The following SLC9A8 variants were observed in gnomAD, a reference collection of about 807,000 sequenced individuals.
The protein encoded by SLC9A8 is sodium/hydrogen exchanger 8.
A neutral mutation model predicts 66.6 loss-of-function variants in SLC9A8; 48 were observed. That is an observed-to-expected ratio of 0.72 (90% CI 0.57 to 0.92). The LOEUF is 0.92. Among genes scored for constraint, SLC9A8 ranks in the 40% least tolerant of loss-of-function variants. The pLI is 0.00. For synonymous variants in SLC9A8, 274 were observed against 282.6 expected, an observed-to-expected ratio of 0.97 and a Z score of 0.31; for missense variants, 599 against 747.3, an observed-to-expected ratio of 0.80 and a Z score of 2.31.
At chr20:49,825,153 T>C (rs1214356064) in intron 3 of SLC9A8, among the ~76,000 whole-genome samples, 2 of 152,168 alleles carry the variant, frequency 1.3e-5, no homozygotes, top group Non-Finnish European at 2.9e-5. Flanking sequence ...GCCCTGAAAC[T>C]TCCTATCTTA....
At chr20:49,813,690 A>G (rs536163198) in intron 1 of SLC9A8, among the ~76,000 whole-genome samples, 1 of 152,340 alleles carries the variant, frequency 6.6e-6, no homozygotes, top group South Asian at 2.1e-4. Flanking sequence ...AGGAAGCAAA[A>G]TAGAGTTAAG....
rs759550119 is a variant in SLC9A8 at position 49,834,369 on chromosome 20, G to GTA, written c.290-5159_290-5158dup. 7.9e-4 allele frequency among the ~76,000 whole-genome samples: 44 copies of GTA among 55,776 alleles called. 3 individuals are homozygous for GTA. Among genetic ancestry groups the GTA allele is most frequent in the South Asian group, 4.4e-3 (8 of 1,806 alleles). 36.6% of individuals were successfully genotyped at this position (55,776 alleles called of 152,430 possible). A position where few individuals can be genotyped will look rare whatever the true frequency, so the allele number is the denominator to read the frequency against. ...TATACTGTATATATATATATACTGT[G>GTA]TATATATATATATACTGTGTATATA... On this transcript the variant is annotated intron_variant, in intron 3 of 15. Transcript: ENST00000361573.
intron 5 of SLC9A8, among the ~76,000 whole-genome samples, chr20:49,848,966 C>G (rs933243433): frequency 6.6e-6 from 1 of 152,136 alleles, no homozygotes; most frequent in African/African-American, 2.4e-5. Context: ...AGTAAGACAT[C>G]AGTACATAAA....
chr20:49,887,437 C>T lies in SLC9A8; in HGVS notation c.1639-392C>T, dbSNP rs184425879. 5.1e-4 allele frequency among the ~76,000 whole-genome samples: 77 copies of T among 152,304 alleles called. 1 individual carries two copies. The highest frequency in any genetic ancestry group is 5.0e-3 in the East Asian group (26 of 5,180). On this transcript the variant is annotated intron_variant, in intron 15 of 15. Coordinates refer to ENST00000361573, the MANE Select transcript of SLC9A8 (RefSeq NM_015266.3). ...CAGCTCCAGTGACTGTGACCACGAC[C>T]GCTTCCTTCTCCAGCATCCTGTGCA...
At chr20:49,887,755 A>ATGG (rs2089942304) in intron 15 of SLC9A8, 74 bp from the exon 16 acceptor site, 1 of 1,185,568 alleles carries the variant, frequency 8.4e-7, no homozygotes, top group African/African-American at 1.5e-5. Flanking sequence ...CACACAAAAC[A>ATGG]CCCAGTAGCA....
chr20:49,878,093 T>A, intron 12 of SLC9A8, 30 bp downstream of exon 12: 1 of 1,369,884 alleles, frequency 7.3e-7, no homozygotes, highest in Non-Finnish European at 1.0e-6. Flanking sequence ...TTTTTAAATT[T>A]AATTACTTAT....
chr20:49,849,401 C>T (rs1378946342), intron 5 of SLC9A8, among the ~76,000 whole-genome samples, 178 bp from the exon 6 acceptor site: 8 of 151,970 alleles, frequency 5.3e-5, no homozygotes, highest in Admixed American at 1.3e-4. Flanking sequence ...TGACGGGACA[C>T]TGCAGTAAGT....
rs1555848154 is a variant in SLC9A8 at position 49,884,221 on chromosome 20, C to CGCG, written c.1491+155_1491+156insGCG. ...CACGACACACACACACACACACACACACACACACACACACACACACGACAC... is the reference window on the plus strand; with the variant it reads ...CACGACACACACACACACACACACACGCGACACACACACACACACACACGACAC... On this transcript the variant is annotated intron_variant, in intron 14 of 15. Transcript: ENST00000361573. 3.4e-4 allele frequency: 99 copies of CGCG among 289,030 alleles called. 1 individual carries two copies. The highest frequency in any genetic ancestry group is 1.6e-3 in the Middle Eastern group (2 of 1,244). 17.9% of individuals were successfully genotyped at this position (289,030 alleles called of 1,614,324 possible).
At chr20:49,866,608 C>T (rs2088978535) in intron 10 of SLC9A8, among the ~76,000 whole-genome samples, 1 of 152,042 alleles carries the variant, frequency 6.6e-6, no homozygotes, top group African/African-American at 2.4e-5. Flanking sequence ...TTTTTATATT[C>T]GCCTTGGGTT....
rs757673895 is a variant in SLC9A8 at position 49,864,783 on chromosome 20, T to G, written c.897T>G (p.Phe299Leu). ...IDLRKTPSLE[F>L]GMMIIFAYLP... ...TGAGGAAAACGCCTTCCTTGGAGTT[T>G]GGCATGATGATCATTTTTGCTTATC... Residue 299 changes from phenylalanine to leucine, a missense_variant, in exon 10 of 16, where the codon TTT becomes TTG. Transcript: ENST00000361573. The G allele has an allele frequency of 1.9e-6, 3 of 1,614,238 alleles. No homozygotes were observed. In the Admixed American group the frequency reaches 5.0e-5, roughly 27 times the overall value.
rs1038451255 is a variant in SLC9A8, at chr20:49,849,187, G to T, written c.433-392G>T. 2.6e-5 allele frequency among the ~76,000 whole-genome samples: 4 copies of T among 152,126 alleles called. No individual in the cohort carries two copies. In the South Asian group the frequency reaches 8.3e-4, roughly 31 times the overall value. ...GAGCATGGTGCCAGATGAGCCCAGA[G>T]GCCTCCCCAGGAGTCGAATCATTCA... On this transcript the variant is annotated intron_variant, in intron 5 of 15. Coordinates refer to ENST00000361573, the MANE Select transcript of SLC9A8 (RefSeq NM_015266.3).
At chr20:49,828,074 T>TTTA (rs2086990608) in intron 3 of SLC9A8, among the ~76,000 whole-genome samples, 1 of 89,534 alleles carries the variant, frequency 1.1e-5, no homozygotes, top group Admixed American at 1.1e-4. Context: ...CAAAAAAAAA[T>TTTA]TTTTTTTTTT....
Position 49,839,590 on chromosome 20 carries a change from G to A in SLC9A8, c.339G>A (p.Ala113=), listed in dbSNP as rs773532739. The A allele has an allele frequency of 5.0e-6, 8 of 1,599,428 alleles. No homozygotes were observed. The highest frequency in any genetic ancestry group is 3.3e-5 in the South Asian group (3 of 89,828). ...VIKIIEFKKL[A]NWKEEEMFRP... ...AAATTATAGAGTTTAAAAAACTGGC[G>A]AATTGGAAGGTAGGTTTGCCCTTTG... Residue 113 remains alanine, a synonymous_variant, in exon 4 of 16, where the codon GCG becomes GCA. Coordinates refer to ENST00000361573, the MANE Select transcript of SLC9A8 (RefSeq NM_015266.3).
chr20:49,822,885 A>G (rs922657786), intron 2 of SLC9A8, among the ~76,000 whole-genome samples, 176 bp from the exon 3 acceptor site: 14 of 152,190 alleles, frequency 9.2e-5, no homozygotes, highest in Admixed American at 3.3e-4. Context: ...AACATTGTAA[A>G]TGTACCTCCA....
chr20:49,883,405 C>G (rs534104907), intron 13 of SLC9A8, among the ~76,000 whole-genome samples: 3 of 152,280 alleles, frequency 2.0e-5, no homozygotes, highest in Non-Finnish European at 4.4e-5. Flanking sequence ...GGCCTCCATC[C>G]CTCATCTGTG....
intron 8 of SLC9A8, among the ~76,000 whole-genome samples, chr20:49,859,729 C>G (rs686996): frequency 0.33 from 49,985 of 152,102 alleles, 9,514 homozygotes; most frequent in South Asian, 0.57. Flanking sequence ...AATTCATTTT[C>G]AGCTTTGATT....
intron 15 of SLC9A8, among the ~76,000 whole-genome samples, 161 bp downstream of exon 15, chr20:49,887,059 G>GGAACTC (rs2089918884): frequency 6.6e-6 from 1 of 152,232 alleles, no homozygotes; most frequent in Non-Finnish European, 1.5e-5. Flanking sequence ...ACGTGCTTGT[G>GGAACTC]GAACTCGGCA....
intron 3 of SLC9A8, chr20:49,831,089 G>T (rs540961241): frequency 3.9e-5 from 25 of 648,000 alleles, no homozygotes; most frequent in Non-Finnish European, 7.2e-5. Context: ...ACACTAAGCC[G>T]TCGGACCCCC....
chr20:49,838,985 T>C (rs553691253), intron 3 of SLC9A8, among the ~76,000 whole-genome samples: 1 of 152,334 alleles, frequency 6.6e-6, no homozygotes, highest in South Asian at 2.1e-4. Flanking sequence ...GGCCACTTTA[T>C]AAGAGTGATG....
Sources: allele counts gnomAD v4.1 joint callset (sites outside exome capture counted in the v4.1 genomes callset), GRCh38; gene constraint gnomAD v4.1.1; transcripts MANE v1.5; gene names NCBI Gene and HGNC (gene_info 2026-07-23, HGNC 2026-07-21).